RASA3: variants seen among roughly 807,000 people sequenced by gnomAD.
The protein encoded by RASA3 is ras GTPase-activating protein 3.
Under a neutral mutation model 110.0 loss-of-function variants are expected in RASA3, and 73 were observed. The observed-to-expected ratio is 0.66, with a 90% CI of 0.55 to 0.81. The LOEUF (loss-of-function observed/expected upper bound fraction) is 0.81, where lower values mean the gene tolerates loss of function less well. Ranked by LOEUF, RASA3 falls within the 30% of genes least tolerant of loss-of-function variation. The probability of loss-of-function intolerance (pLI) is 0.00; values close to 1 mark genes in which losing one functional copy is unlikely to be tolerated. For missense variants in RASA3, 976 were observed against 1,113.2 expected (o/e 0.88, Z 1.75); for synonymous variants, 500 against 451.4 (o/e 1.11, Z -1.37).
intron 1 of RASA3, among the ~76,000 whole-genome samples, chr13:114,093,086 CTAAT>C (rs2079905990): frequency 6.6e-6 from 1 of 152,160 alleles, no homozygotes. Context: ...TATCTCCTAA[CTAAT>C]TGTTGTGGTT....
intron 2 of RASA3, among the ~76,000 whole-genome samples, chr13:114,066,893 T>C (rs2079461314): frequency 6.6e-6 from 1 of 152,022 alleles, no homozygotes; most frequent in Non-Finnish European, 1.5e-5. Context: ...GCTCTGGGGC[T>C]GAGGATGGGC....
intron 5 of RASA3, 64 bp downstream of exon 5, chr13:114,029,747 T>C: frequency 2.1e-6 from 3 of 1,458,292 alleles, no homozygotes; most frequent in Non-Finnish European, 2.8e-6. Flanking sequence ...AACCCCTGTG[T>C]GCTCCTCGGG....
chr13:114,064,450 C>T (rs2079412120), intron 2 of RASA3, among the ~76,000 whole-genome samples: 1 of 152,192 alleles, frequency 6.6e-6, no homozygotes, highest in African/African-American at 2.4e-5. Flanking sequence ...CCACACAGCA[C>T]CAACACTCCC....
intron 3 of RASA3, among the ~76,000 whole-genome samples, chr13:114,049,744 T>C (rs995884799): frequency 1.3e-5 from 2 of 152,240 alleles, no homozygotes; most frequent in African/African-American, 4.8e-5. Flanking sequence ...CCTCCCTTTC[T>C]TCTGAGAACA....
chr13:114,033,406 A>G (rs1169897000), intron 4 of RASA3, among the ~76,000 whole-genome samples: 1 of 129,758 alleles, frequency 7.7e-6, no homozygotes, highest in Non-Finnish European at 1.6e-5. Context: ...CCCACACTTC[A>G]TACCATGTTC....
chr13:114,039,327 G>A (rs1404913257), intron 4 of RASA3, among the ~76,000 whole-genome samples: 1 of 145,302 alleles, frequency 6.9e-6, no homozygotes, highest in South Asian at 2.1e-4. Context: ...CTGTGTCCCA[G>A]GGACGCTGTG....
intron 4 of RASA3, among the ~76,000 whole-genome samples, chr13:114,037,780 C>G (rs1337904606): frequency 6.6e-6 from 1 of 152,218 alleles, no homozygotes; most frequent in African/African-American, 2.4e-5. Flanking sequence ...GGATAACATC[C>G]GTGGACTGCA....
chr13:114,105,019 T>C (rs575853192), intron 1 of RASA3, among the ~76,000 whole-genome samples: 22 of 151,192 alleles, frequency 1.5e-4, no homozygotes, highest in African/African-American at 4.9e-4. Context: ...AGCTTCCATC[T>C]CGGGCCATAA....
intron 1 of RASA3, among the ~76,000 whole-genome samples, chr13:114,095,609 T>C (rs1427281249): frequency 6.6e-6 from 1 of 152,128 alleles, no homozygotes; most frequent in Non-Finnish European, 1.5e-5. Context: ...GTTTATGTCA[T>C]GCACACACCT....
intron 1 of RASA3, among the ~76,000 whole-genome samples, chr13:114,098,846 C>T (rs929130668): frequency 2.6e-5 from 4 of 152,182 alleles, no homozygotes; most frequent in African/African-American, 4.8e-5. Flanking sequence ...CTTTGGGCTA[C>T]ACTCTAACCT....
rs561026428 is a variant in RASA3 at position 114,009,499 on chromosome 13, G to A, written c.1591-35C>T. On this transcript the variant is annotated intron_variant, in intron 16 of 23. Transcript: ENST00000334062. ...AACGGAGATCACTCGAGGACAGCCC[G>A]AAGTACCTCGGCTCACGGCCCAAAT... 3.3e-5 allele frequency: 47 copies of A among 1,412,892 alleles called. No homozygotes were observed. The East Asian group carries it at 4.6e-4, about 14-fold the overall frequency. 87.5% of individuals were successfully genotyped at this position (1,412,892 alleles called of 1,614,324 possible).
At position 114,057,762 on chromosome 13, in the gene RASA3, T is replaced by G. The variant is rs934199112; in HGVS notation, c.174-5607A>C. ...AGAATGAACCCACAGCTAAAACCCA[T>G]AAAACCTCCGCCAACCACACCCAGA... On this transcript the variant is annotated intron_variant, in intron 2 of 23. Coordinates refer to ENST00000334062, the MANE Select transcript of RASA3 (RefSeq NM_007368.4). The surrounding 1 kb of genome is among the most constrained non-coding windows in gnomAD (Gnocchi z 5.0). Among the ~76,000 whole-genome samples the G allele has an allele frequency of 2.6e-5, 4 of 151,996 alleles. No individual in the cohort carries two copies. Among genetic ancestry groups the G allele is most frequent in the African/African-American group, 9.7e-5 (4 of 41,358 alleles).
intron 2 of RASA3, among the ~76,000 whole-genome samples, chr13:114,069,002 T>C (rs1459403627): frequency 6.6e-6 from 1 of 151,850 alleles, no homozygotes; most frequent in Non-Finnish European, 1.5e-5. Context: ...GGCTCAGCAC[T>C]CGATAAAGAG....
At chr13:114,034,507 A>AC (rs2054243759) in intron 4 of RASA3, among the ~76,000 whole-genome samples, 1 of 152,094 alleles carries the variant, frequency 6.6e-6, no homozygotes, top group Non-Finnish European at 1.5e-5. Context: ...CTGGCTGGTC[A>AC]CCATCAGGTC....
chr13:114,070,977 GCCGGCGT>G (rs2079562140), intron 2 of RASA3, among the ~76,000 whole-genome samples: 13 of 141,724 alleles, frequency 9.2e-5, no homozygotes, highest in Admixed American at 4.2e-4. Flanking sequence ...GGGCAGGGCT[GCCGGCGT>G]CCACGCTAAA....
intron 1 of RASA3, among the ~76,000 whole-genome samples, chr13:114,083,457 G>A (rs766125374): frequency 4.4e-4 from 67 of 152,266 alleles, no homozygotes; most frequent in Non-Finnish European, 6.5e-4. Context: ...GAAGCACCCA[G>A]CCAGACAGCC....
At chr13:114,062,316 A>G (rs1280300436) in intron 2 of RASA3, among the ~76,000 whole-genome samples, 5 of 151,908 alleles carry the variant, frequency 3.3e-5, no homozygotes, top group Admixed American at 3.3e-4. Context: ...AAATTCATTG[A>G]GGGGGGGCTC....
chr13:114,010,847 C>T (rs1182290095), intron 16 of RASA3, among the ~76,000 whole-genome samples: 2 of 25,874 alleles, frequency 7.7e-5, no homozygotes, highest in South Asian at 1.4e-3. Context: ...AGCACCGCAA[C>T]GCCCAGGAGG....
At chr13:113,993,146 CAGA>C (rs1408643623) in intron 21 of RASA3, among the ~76,000 whole-genome samples, 2 of 152,158 alleles carry the variant, frequency 1.3e-5, no homozygotes, top group Non-Finnish European at 2.9e-5. Context: ...ATTTCAAACA[CAGA>C]AGGAGGCTGT....
Sources: gnomAD v4.1 joint callset for allele counts (sites outside exome capture counted in the v4.1 genomes callset) on GRCh38, gnomAD v4.1.1 for gene constraint, Gnocchi (gnomAD v3.1) non-coding constraint, MANE v1.5 for transcripts, NCBI Gene and HGNC (gene_info 2026-07-23, HGNC 2026-07-21) for gene names.